Variants in FGF13 observed in about 807,000 individuals in gnomAD.
FGF13 encodes fibroblast growth factor 13.
FGF13 carries 2 observed loss-of-function variants against 19.5 expected under a neutral mutation model. The observed-to-expected ratio is 0.10, with a 90% CI of 0.04 to 0.32. The LOEUF is 0.32. FGF13 is among the 10% of genes least tolerant of loss of function. FGF13 has a pLI of 1.00. For missense variants in FGF13, 113 were observed against 192.7 expected (o/e 0.59, Z 2.45); for synonymous variants, 72 against 76.9 (o/e 0.94, Z 0.33).
intron 1 of FGF13, among the ~76,000 whole-genome samples, chrX:139,063,035 G>A (rs1399874394): frequency 9.0e-6 from 1 of 111,399 alleles, no homozygotes; most frequent in Non-Finnish European, 1.9e-5. Context: ...GCTATTTAGA[G>A]GGTCTGGAAA....
intron 3 of FGF13, among the ~76,000 whole-genome samples, chrX:138,691,636 T>C (rs2089839600): frequency 8.9e-6 from 1 of 112,009 alleles, no homozygotes; most frequent in African/African-American, 3.2e-5. Flanking sequence ...CAAATCTTTA[T>C]AGGACATTTT....
At chrX:138,859,162 C>T (rs564128323) in intron 2 of FGF13, among the ~76,000 whole-genome samples, 6 of 112,213 alleles carry the variant, frequency 5.3e-5, no homozygotes, top group African/African-American at 1.9e-4. Flanking sequence ...CTTAGAATCT[C>T]GTTGTTGAAT....
intron 3 of FGF13, among the ~76,000 whole-genome samples, chrX:138,770,160 T>C (rs1211129002): frequency 1.8e-5 from 2 of 112,008 alleles, no homozygotes; most frequent in Non-Finnish European, 3.8e-5. Flanking sequence ...CATTCATTCA[T>C]TTAATAAAAC....
At chrX:139,185,138 T>C (rs897315527) in intron 1 of FGF13, among the ~76,000 whole-genome samples, 4 of 112,221 alleles carry the variant, frequency 3.6e-5, no homozygotes, top group African/African-American at 9.7e-5. Flanking sequence ...GCTGAGTACA[T>C]AGTAATACTT....
At chrX:138,701,995 A>G (rs1602719286) in intron 3 of FGF13, among the ~76,000 whole-genome samples, 1 of 111,955 alleles carries the variant, frequency 8.9e-6, no homozygotes, top group South Asian at 3.7e-4. Flanking sequence ...AAATACTCAT[A>G]TATTACGCTG....
At chrX:138,657,896 T>C (rs1332552619) in intron 3 of FGF13, among the ~76,000 whole-genome samples, 1 of 112,441 alleles carries the variant, frequency 8.9e-6, no homozygotes, top group African/African-American at 3.2e-5. Flanking sequence ...CATTACTGCA[T>C]AGGACAGCAG....
At chrX:138,924,072 C>A (rs893061425) in intron 1 of FGF13, among the ~76,000 whole-genome samples, 1 of 111,925 alleles carries the variant, frequency 8.9e-6, no homozygotes, top group African/African-American at 3.2e-5. Flanking sequence ...TTTCATGAAG[C>A]TTTATGAGGT....
chrX:138,997,494 T>C (rs2092048809), intron 1 of FGF13, among the ~76,000 whole-genome samples: 1 of 111,519 alleles, frequency 9.0e-6, no homozygotes, highest in East Asian at 2.8e-4. Context: ...ATAAAAGAAC[T>C]GATGAAGCTG....
chrX:138,711,767 G>A, upstream of FGF13: 7 of 650,704 alleles, frequency 1.1e-5, no homozygotes, highest in Non-Finnish European at 1.1e-5. Context: ...CCGGGGCTGA[G>A]CCCGTAGGCT....
At chrX:138,995,477 TC>T (rs894040976) in intron 1 of FGF13, among the ~76,000 whole-genome samples, 1 of 111,316 alleles carries the variant, frequency 9.0e-6, no homozygotes, top group Non-Finnish European at 1.9e-5. Context: ...CCAACAGCCC[TC>T]CCCCAACTAG....
chrX:138,769,017 A>T (rs1268572570), intron 3 of FGF13, among the ~76,000 whole-genome samples: 1 of 110,117 alleles, frequency 9.1e-6, no homozygotes, highest in Non-Finnish European at 1.9e-5. Context: ...TGCATCAAGT[A>T]CAAGTTATGA....
At chrX:138,654,780 A>ATAC (rs2124138025) in intron 3 of FGF13, among the ~76,000 whole-genome samples, 1 of 95,836 alleles carries the variant, frequency 1.0e-5, no homozygotes, top group African/African-American at 4.0e-5. Context: ...TACATACATA[A>ATAC]ATAGCGGGGT....
At chrX:138,971,614 A>C (rs1371230635) in intron 1 of FGF13, among the ~76,000 whole-genome samples, 1 of 111,437 alleles carries the variant, frequency 9.0e-6, no homozygotes, top group African/African-American at 3.3e-5. Flanking sequence ...ATAATTGTAC[A>C]TGTGTATTGG....
intron 1 of FGF13, among the ~76,000 whole-genome samples, chrX:139,118,996 A>G (rs1156714782): frequency 2.7e-5 from 3 of 111,532 alleles, no homozygotes; most frequent in South Asian, 3.8e-4. Flanking sequence ...CCATCTTTAC[A>G]AAACATAGAG....
intron 1 of FGF13, among the ~76,000 whole-genome samples, chrX:138,977,209 G>A (rs1039913307): frequency 6.3e-5 from 7 of 111,801 alleles, no homozygotes; most frequent in Non-Finnish European, 9.4e-5. Context: ...ATGTGGTCTG[G>A]CCGGTACTTC....
intron 3 of FGF13, among the ~76,000 whole-genome samples, chrX:138,788,081 T>G (rs2090708372): frequency 8.9e-6 from 1 of 112,097 alleles, no homozygotes; most frequent in African/African-American, 3.2e-5. Flanking sequence ...CTAAATCAGA[T>G]ATGGATGAGA....
chrX:139,063,644 T>G (rs901817442), intron 1 of FGF13, among the ~76,000 whole-genome samples: 1 of 111,974 alleles, frequency 8.9e-6, no homozygotes, highest in Non-Finnish European at 1.9e-5. Flanking sequence ...AATAAGGTTT[T>G]GTTTTCTCCT....
chrX:138,998,084 A>G (rs1043733844), intron 1 of FGF13, among the ~76,000 whole-genome samples: 1 of 111,849 alleles, frequency 8.9e-6, no homozygotes, highest in Non-Finnish European at 1.9e-5. Flanking sequence ...AGCCAAACTA[A>G]GCTTCATAAG....
intron 1 of FGF13, among the ~76,000 whole-genome samples, chrX:138,735,477 C>T (rs1189380862): frequency 8.9e-6 from 1 of 112,011 alleles, no homozygotes; most frequent in Non-Finnish European, 1.9e-5. Flanking sequence ...GGCATGGTAA[C>T]AGATTAGAGT....
Sources: allele counts gnomAD v4.1 joint callset (sites outside exome capture counted in the v4.1 genomes callset), GRCh38; gene constraint gnomAD v4.1.1; transcripts MANE v1.5; gene names NCBI Gene and HGNC (gene_info 2026-07-23, HGNC 2026-07-21).